XPO7: variants seen among roughly 807,000 people sequenced by gnomAD.
XPO7 encodes exportin-7.
Under a neutral mutation model 144.3 loss-of-function variants are expected in XPO7, and 21 were observed. That is an observed-to-expected ratio of 0.15 (90% CI 0.10 to 0.21). The LOEUF is 0.21. XPO7 is among the 10% of genes least tolerant of loss of function. The pLI is 1.00. For synonymous variants in XPO7, 580 were observed against 499.6 expected (o/e 1.16, Z -2.15); for missense variants, 808 against 1,325.8 (o/e 0.61, Z 6.06).
At chr8:21,971,763 A>G (rs1487830031) in intron 4 of XPO7, 113 bp from the exon 5 acceptor site, 4 of 714,800 alleles carry the variant, frequency 5.6e-6, no homozygotes, top group Non-Finnish European at 8.9e-6. Context: ...TGCCTTGTCT[A>G]GGCAGTTTTA....
In XPO7 at chr8:21,982,499, C is replaced by T. The variant is rs1264376517; in HGVS notation, c.1105-141C>T. The T allele has an allele frequency of 3.3e-6, 3 of 898,410 alleles. No individual in the cohort carries two copies. The East Asian group carries it at 8.3e-5, about 25-fold the overall frequency. 55.7% of individuals were successfully genotyped at this position (898,410 alleles called of 1,614,324 possible). On this transcript the variant is annotated intron_variant, in intron 10 of 27. Transcript: ENST00000252512. ...ACTAATAAACACATTAAACTAGATG[C>T]CATACACAGAACAAAGCCCACAAAA...
chr8:21,985,546 C>T, intron 12 of XPO7, 40 bp from the exon 13 acceptor site: 1 of 1,568,324 alleles, frequency 6.4e-7, no homozygotes, highest in South Asian at 1.1e-5. Flanking sequence ...CTTCAAGAAA[C>T]TATCACTGGA....
intron 1 of XPO7, among the ~76,000 whole-genome samples, chr8:21,959,041 T>C (rs1811635149): frequency 6.6e-6 from 1 of 151,982 alleles, no homozygotes; most frequent in South Asian, 2.1e-4. Flanking sequence ...ACTCAAATTG[T>C]TGACCACTCT....
intron 16 of XPO7, 62 bp from the exon 17 acceptor site, chr8:21,990,282 C>A: frequency 6.5e-7 from 1 of 1,544,278 alleles, no homozygotes; most frequent in Non-Finnish European, 8.9e-7. Flanking sequence ...TGGAAAGTTT[C>A]CATCTGCCTT....
chr8:22,003,158 C>G, intron 25 of XPO7, 61 bp from the exon 26 acceptor site: 1 of 1,328,158 alleles, frequency 7.5e-7, no homozygotes. Context: ...TGGAATCTGT[C>G]GTTTTATCTT....
intron 1 of XPO7, among the ~76,000 whole-genome samples, chr8:21,944,651 C>T (rs779595451): frequency 2.6e-5 from 4 of 151,868 alleles, no homozygotes; most frequent in African/African-American, 7.3e-5. Context: ...GGATGTTTCT[C>T]GGAGAGGGGG....
chr8:21,990,766 C>G (rs1563335377), intron 17 of XPO7, 45 bp from the exon 18 acceptor site: 3 of 1,589,410 alleles, frequency 1.9e-6, no homozygotes, highest in Admixed American at 3.3e-5. Context: ...CATTCTGCCT[C>G]TAACTCATGT....
intron 24 of XPO7, among the ~76,000 whole-genome samples, chr8:22,000,384 C>CCAT (rs1813098758): frequency 6.6e-6 from 1 of 152,006 alleles, no homozygotes. Context: ...GCAGCTAGCT[C>CCAT]CATAAGTTTT....
intron 1 of XPO7, among the ~76,000 whole-genome samples, chr8:21,934,587 T>C (rs956410024): frequency 1.3e-5 from 2 of 151,142 alleles, no homozygotes; most frequent in African/African-American, 4.9e-5. Flanking sequence ...TATTTTGGGG[T>C]GACAGTATTC....
intron 1 of XPO7, among the ~76,000 whole-genome samples, chr8:21,947,301 T>C (rs1441394951): frequency 6.6e-6 from 1 of 152,218 alleles, no homozygotes; most frequent in Non-Finnish European, 1.5e-5. Context: ...TTGGACTTTT[T>C]TTTAGAATAT....
chr8:21,955,724 C>CATTTTT (rs1811513453), intron 1 of XPO7, among the ~76,000 whole-genome samples: 1 of 102,774 alleles, frequency 9.7e-6, no homozygotes, highest in African/African-American at 4.4e-5. Flanking sequence ...CTGTGCTTAC[C>CATTTTT]TTTTTTTTTT....
At chr8:21,920,769 C>T (rs770582389) in intron 1 of XPO7, among the ~76,000 whole-genome samples, 11 of 152,146 alleles carry the variant, frequency 7.2e-5, no homozygotes, top group Admixed American at 3.9e-4. Flanking sequence ...TGTGGGGAAC[C>T]TTCCAATTTT....
chr8:21,987,376 T>C, intron 14 of XPO7, 100 bp downstream of exon 14: 1 of 1,513,312 alleles, frequency 6.6e-7, no homozygotes, highest in Non-Finnish European at 9.0e-7. Flanking sequence ...ACCTCCAGAT[T>C]TCACGTAATA....
chr8:22,005,243 T>A lies in XPO7; in HGVS notation c.*155T>A. On this transcript the variant is annotated 3_prime_UTR_variant, in exon 28 of 28. Coordinates refer to ENST00000252512, the MANE Select transcript of XPO7 (RefSeq NM_015024.5). ...GTCAACTAGCTGCTTCCCCAGGGAA[T>A]AGGGGTGTGAGTACACTCACTAGGG... The A allele has an allele frequency of 1.9e-6, 1 of 536,258 alleles. No individual in the cohort carries two copies. Among genetic ancestry groups the A allele is most frequent in the Non-Finnish European group, 3.2e-6 (1 of 310,464 alleles). 33.2% of individuals were successfully genotyped at this position (536,258 alleles called of 1,614,324 possible).
chr8:21,957,235 T>A (rs1403559588), intron 1 of XPO7, among the ~76,000 whole-genome samples: 1 of 152,136 alleles, frequency 6.6e-6, no homozygotes, highest in African/African-American at 2.4e-5. Flanking sequence ...TGCCCATAGC[T>A]TCAGATGTGC....
At chr8:21,935,623 A>C (rs1361627455) in intron 1 of XPO7, among the ~76,000 whole-genome samples, 3 of 152,224 alleles carry the variant, frequency 2.0e-5, no homozygotes, top group Admixed American at 1.3e-4. Context: ...TTGTTTTATT[A>C]GACCGAATTT....
intron 5 of XPO7, among the ~76,000 whole-genome samples, chr8:21,974,280 C>T (rs1353494888): frequency 3.3e-5 from 5 of 152,042 alleles, no homozygotes; most frequent in African/African-American, 9.7e-5. Context: ...CCTCCTGCCT[C>T]AACCTCCCAA....
chr8:21,964,899 G>T (rs1407005984), intron 1 of XPO7, among the ~76,000 whole-genome samples: 2 of 152,200 alleles, frequency 1.3e-5, no homozygotes, highest in Non-Finnish European at 2.9e-5. Flanking sequence ...TGCAGTGGGG[G>T]AACCACAGGA....
At position 21,936,676 on chromosome 8, in the gene XPO7, T is replaced by C. The variant is rs148832070; in HGVS notation, c.18+16888T>C. Among the ~76,000 whole-genome samples, 586 of 152,340 alleles carry C rather than the reference T, an allele frequency of 3.8e-3. 2 individuals carry two copies. Among genetic ancestry groups the C allele is most frequent in the South Asian group, 0.027 (129 of 4,830 alleles). On this transcript the variant is annotated intron_variant, in intron 1 of 27. Transcript: ENST00000252512. Reference sequence around the variant, plus strand: ...TAGACATTTTTGGTGTATATTAGCATACTAAAGACTCTTAGGAGTTCTTCT... The same window carrying C: ...TAGACATTTTTGGTGTATATTAGCACACTAAAGACTCTTAGGAGTTCTTCT...
Sources: gnomAD v4.1 joint callset for allele counts (sites outside exome capture counted in the v4.1 genomes callset) on GRCh38, gnomAD v4.1.1 for gene constraint, MANE v1.5 for transcripts, NCBI Gene and HGNC (gene_info 2026-07-23, HGNC 2026-07-21) for gene names.